CATSPERE: variants seen among roughly 807,000 people sequenced by gnomAD.
CATSPERE encodes the protein catsper channel auxiliary subunit epsilon.
A neutral mutation model predicts 114.1 loss-of-function variants in CATSPERE; 93 were observed. The observed-to-expected ratio is 0.81, with a 90% CI of 0.69 to 0.97. The LOEUF is 0.97. Among genes scored for constraint, CATSPERE ranks in the 50% least tolerant of loss-of-function variants. CATSPERE has a pLI of 0.00. For missense variants in CATSPERE, 1,058 were observed against 1,131.6 expected, an observed-to-expected ratio of 0.93 and a Z score of 0.93; for synonymous variants, 341 against 384.1, an observed-to-expected ratio of 0.89 and a Z score of 1.31.
intron 7 of CATSPERE, among the ~76,000 whole-genome samples, chr1:244,505,289 C>T (rs181832003): frequency 6.6e-6 from 1 of 152,254 alleles, no homozygotes; most frequent in Non-Finnish European, 1.5e-5. Flanking sequence ...GGCATTTCTC[C>T]TAGGAGCTCT....
intron 8 of CATSPERE, among the ~76,000 whole-genome samples, chr1:244,523,140 G>C (rs1376059222): frequency 6.8e-6 from 1 of 147,842 alleles, no homozygotes; most frequent in Non-Finnish European, 1.5e-5. Context: ...TATCCACCAT[G>C]ATCGAGTGGG....
chr1:244,622,369 C>G (rs1672498334), intron 20 of CATSPERE, among the ~76,000 whole-genome samples: 1 of 150,736 alleles, frequency 6.6e-6, no homozygotes, highest in Non-Finnish European at 1.5e-5. Flanking sequence ...GGTTTATTTC[C>G]TAGCAGAATA....
intron 20 of CATSPERE, among the ~76,000 whole-genome samples, chr1:244,631,751 C>T (rs1270295085): frequency 3.9e-5 from 6 of 152,160 alleles, no homozygotes; most frequent in African/African-American, 9.7e-5. Context: ...CAATAAGATA[C>T]CACTACACAC....
At chr1:244,460,874 C>T (rs1358409241), upstream of CATSPERE, among the ~76,000 whole-genome samples, 2 of 152,158 alleles carry the variant, frequency 1.3e-5, no homozygotes, top group East Asian at 3.9e-4. Flanking sequence ...AGCCAGATCG[C>T]GCCACTGCAC....
At chr1:244,526,871 G>A (rs1482848789) in intron 8 of CATSPERE, among the ~76,000 whole-genome samples, 1 of 152,072 alleles carries the variant, frequency 6.6e-6, no homozygotes, top group African/African-American at 2.4e-5. Context: ...ATCCGGGGGA[G>A]ACATCACATG....
intron 8 of CATSPERE, among the ~76,000 whole-genome samples, chr1:244,536,774 T>C (rs573020058): frequency 5.9e-5 from 9 of 152,240 alleles, no homozygotes; most frequent in African/African-American, 2.2e-4. Flanking sequence ...TTTGGGTAGA[T>C]AGTTGTTAAA....
intron 7 of CATSPERE, among the ~76,000 whole-genome samples, chr1:244,500,147 T>A (rs1007712030): frequency 2.6e-5 from 4 of 152,224 alleles, no homozygotes; most frequent in African/African-American, 9.6e-5. Context: ...AATGTCTTCT[T>A]TTGAGAAGTG....
chr1:244,563,806 G>A (rs2148542774), intron 10 of CATSPERE, among the ~76,000 whole-genome samples: 1 of 152,222 alleles, frequency 6.6e-6, no homozygotes, highest in South Asian at 2.1e-4. Context: ...CGTTGCTTTT[G>A]GTGTTTTAGT....
chr1:244,581,002 A>AAAT (rs375831371), intron 11 of CATSPERE, among the ~76,000 whole-genome samples: 3,804 of 151,030 alleles, frequency 0.025, 108 homozygotes, highest in African/African-American at 0.078. Context: ...ACTCCATCTC[A>AAAT]AATAATAATA....
At chr1:244,605,874 T>C (rs1669923160) in intron 18 of CATSPERE, 80 bp downstream of exon 18, 2 of 986,426 alleles carry the variant, frequency 2.0e-6, no homozygotes, top group Admixed American at 4.9e-5. Flanking sequence ...AAATAAGCGA[T>C]CTAAGGAAAA....
chr1:244,549,425 A>G (rs80290685), intron 8 of CATSPERE, among the ~76,000 whole-genome samples: 13 of 81,524 alleles, frequency 1.6e-4, no homozygotes, highest in Non-Finnish European at 3.0e-4. Flanking sequence ...GTATGTCTAT[A>G]TATATATATA....
rs932224081 is a variant in CATSPERE at position 244,573,466 on chromosome 1, A to G, written c.1950+694A>G. Among the ~76,000 whole-genome samples, 5 of 147,996 alleles carry G rather than the reference A, an allele frequency of 3.4e-5. No individual in the cohort carries two copies. Among genetic ancestry groups the G allele is most frequent in the Non-Finnish European group, 6.0e-5 (4 of 66,464 alleles). ...ACAAAAAAACCAATTCTATCCGTCA[A>G]TAGTTTGGGCTGTGAGTAGCCATGC... On this transcript the variant is annotated intron_variant, in intron 11 of 21. Coordinates refer to ENST00000366534, the MANE Select transcript of CATSPERE (RefSeq NM_001130957.2). The surrounding 1 kb of genome is among the most constrained non-coding windows in gnomAD (Gnocchi z 4.0).
In CATSPERE at chr1:244,479,722, A is replaced by G; in HGVS notation, c.264A>G (p.Glu88=). Residue 88 remains glutamate (E), a synonymous_variant, in exon 5 of 22, where the codon GAA becomes GAG. Coordinates refer to ENST00000366534, the MANE Select transcript of CATSPERE (RefSeq NM_001130957.2). ...TCTTTTGCATTTTCTTTTAGGATGA[A>G]GAAGAACGCTATTTATTTGTGGAAA... is the stretch of plus-strand genomic sequence containing the variant. ...AIKPIVTGPD[E]EERYLFVESS... is the part of the protein sequence containing the mutation. 5 of 1,594,928 alleles carry G rather than the reference A, an allele frequency of 3.1e-6. No homozygotes were observed. The highest frequency in any genetic ancestry group is 1.7e-5 in the Admixed American group (1 of 58,640).
At chr1:244,572,226 A>G in intron 10 of CATSPERE, 104 bp from the exon 11 acceptor site, 1 of 654,000 alleles carries the variant, frequency 1.5e-6, no homozygotes, top group Non-Finnish European at 2.7e-6. Context: ...GTATGAAAAT[A>G]CTCGGTCATT....
chr1:244,562,002 A>G (rs10927261), intron 10 of CATSPERE, among the ~76,000 whole-genome samples: 29,840 of 151,574 alleles, frequency 0.2, 4,373 homozygotes, highest in East Asian at 0.41. Context: ...AAACTTAAAA[A>G]TTAGCTGGGC....
chr1:244,451,579 G>C, upstream of CATSPERE: 1 of 1,532,946 alleles, frequency 6.5e-7, no homozygotes, highest in Admixed American at 2.0e-5. This position sits in a 1 kb window ranked among gnomAD's most constrained non-coding sequence, Gnocchi z 6.6. Context: ...GGCACCAGGA[G>C]CCAGGCAGCC....
chr1:244,635,296 A>G (rs1239700836), intron 20 of CATSPERE, among the ~76,000 whole-genome samples, 193 bp from the exon 21 acceptor site: 1 of 152,210 alleles, frequency 6.6e-6, no homozygotes, highest in Non-Finnish European at 1.5e-5. Flanking sequence ...CAGGAATCTC[A>G]GAGAAGCCTG....
rs184982593 is a variant in CATSPERE at position 244,485,063 on chromosome 1, C to T, written c.326+5279C>T. On this transcript the variant is annotated intron_variant, in intron 5 of 21. Coordinates refer to ENST00000366534, the MANE Select transcript of CATSPERE (RefSeq NM_001130957.2). Reference sequence around the variant, plus strand: ...TCTCTGTGGTCGTTTTAAGATCTTGCCTTATCTTTGGTGTTTTACTATTGT... The same window carrying T: ...TCTCTGTGGTCGTTTTAAGATCTTGTCTTATCTTTGGTGTTTTACTATTGT... Among the ~76,000 whole-genome samples the T allele has an allele frequency of 1.8e-4, 27 of 151,208 alleles. No individual in the cohort carries two copies. In the East Asian group the frequency reaches 5.0e-3, roughly 28 times the overall value.
chr1:244,515,974 G>T (rs1676542211), intron 7 of CATSPERE, among the ~76,000 whole-genome samples: 1 of 151,588 alleles, frequency 6.6e-6, no homozygotes. Context: ...CAGGAGGATT[G>T]CCTGAGCCCA....
Sources: allele counts gnomAD v4.1 joint callset (sites outside exome capture counted in the v4.1 genomes callset), GRCh38; gene constraint gnomAD v4.1.1; non-coding constraint Gnocchi (gnomAD v3.1); transcripts MANE v1.5; gene names NCBI Gene and HGNC (gene_info 2026-07-23, HGNC 2026-07-21).